Variants in PDZD8 observed in about 807,000 individuals in gnomAD.
PDZD8 encodes PDZ domain-containing protein 8.
In PDZD8, 14 loss-of-function variants were observed where a neutral mutation model predicts 85.8. That is an observed-to-expected ratio of 0.16 (90% CI 0.11 to 0.26). PDZD8 has a LOEUF of 0.26. Ranked by LOEUF, PDZD8 falls within the 10% of genes least tolerant of loss-of-function variation. The pLI is 1.00. For missense variants in PDZD8, 1,197 were observed against 1,424.3 expected, an observed-to-expected ratio of 0.84 and a Z score of 2.57; for synonymous variants, 592 against 568.6, an observed-to-expected ratio of 1.04 and a Z score of -0.59.
chr10:117,284,860 G>A lies in PDZD8; in HGVS notation c.1873C>T (p.Pro625Ser), dbSNP rs2133758165. The A allele has an allele frequency of 1.9e-6, 3 of 1,614,208 alleles. No homozygotes were observed. Among genetic ancestry groups the A allele is most frequent in the Non-Finnish European group, 1.7e-6 (2 of 1,180,030 alleles). ...LVEKPEKVVP[P>S]PLVDKSAEKQ... ...TCAGCAGATTTATCTACAAGAGGAG[G>A]TGGCACCACCTTCTCTGGCTTTTCA... The change falls in exon 5 of 5, where the codon CCT (proline) becomes TCT (serine). Residue 625 changes from proline (P) to serine (S), a missense_variant. By Grantham distance (74) the Pro-to-Ser change is moderately conservative. Around this residue, in one of 4 missense-constraint regions of PDZD8, gnomAD observed 263 missense variants for 261.9 expected, o/e 1.00. Coordinates refer to ENST00000334464, the MANE Select transcript of PDZD8 (RefSeq NM_173791.5).
rs1212902577 is a variant in PDZD8 at position 117,282,615 on chromosome 10, G to A, written c.*653C>T. 1 of 152,000 alleles carries A rather than the reference G, an allele frequency of 6.6e-6. No homozygotes were observed. Among genetic ancestry groups the A allele is most frequent in the Non-Finnish European group, 1.5e-5 (1 of 67,996 alleles). 9.4% of individuals were successfully genotyped at this position (152,000 alleles called of 1,614,324 possible). ...AAAAGCTTTAGAAAAAAATTTCACA[G>A]AAGCATCGAAAGCAAGCAATATATG... On this transcript the variant is annotated 3_prime_UTR_variant, in exon 5 of 5. Coordinates refer to ENST00000334464, the MANE Select transcript of PDZD8 (RefSeq NM_173791.5).
chr10:117,349,431 G>T (rs1844762223), intron 1 of PDZD8, among the ~76,000 whole-genome samples: 1 of 152,210 alleles, frequency 6.6e-6, no homozygotes, highest in African/African-American at 2.4e-5. Flanking sequence ...GTAATAAACA[G>T]TACTTACATA....
At position 117,283,734 on chromosome 10, in the gene PDZD8, T is replaced by C. The variant is rs751488775; in HGVS notation, c.2999A>G (p.Lys1000Arg). Residue 1000 changes from lysine to arginine, a missense_variant, in exon 5 of 5, where the codon AAG becomes AGG. This residue lies in a region of PDZD8 where 418 missense variants were observed against 571.1 expected (regional missense o/e 0.73). Coordinates refer to ENST00000334464, the MANE Select transcript of PDZD8 (RefSeq NM_173791.5). ...CAGACCACCCTCTTTTCTCACTAACTTTATTCCTGTGCTGTTTCCCCGTTT... is the reference window on the plus strand; with the variant it reads ...CAGACCACCCTCTTTTCTCACTAACCTTATTCCTGTGCTGTTTCCCCGTTT... ...PSKRGNSTGI[K>R]LVRKEGGLDD... 5.0e-6 allele frequency: 8 copies of C among 1,614,176 alleles called. No individual in the cohort carries two copies. The South Asian group carries it at 7.7e-5, about 16-fold the overall frequency.
intron 3 of PDZD8, among the ~76,000 whole-genome samples, chr10:117,317,574 G>T (rs1844151034): frequency 6.6e-6 from 1 of 152,066 alleles, no homozygotes; most frequent in Admixed American, 6.5e-5. Flanking sequence ...TCATATCTTT[G>T]CAAATATAAT....
At chr10:117,364,296 C>T (rs966484374) in intron 1 of PDZD8, among the ~76,000 whole-genome samples, 10 of 151,964 alleles carry the variant, frequency 6.6e-5, no homozygotes, top group Admixed American at 5.3e-4. Context: ...GGTTACATGT[C>T]ATCAGCCTGT....
At chr10:117,292,578 G>GT (rs5788222) in intron 3 of PDZD8, among the ~76,000 whole-genome samples, 4,915 of 149,322 alleles carry the variant, frequency 0.033, 89 homozygotes, top group South Asian at 0.041. Context: ...TTTGGAATGT[G>GT]TTTTTTTTTT....
intron 2 of PDZD8, among the ~76,000 whole-genome samples, chr10:117,329,472 A>T (rs1454520878): frequency 6.6e-6 from 1 of 152,134 alleles, no homozygotes; most frequent in Non-Finnish European, 1.5e-5. Flanking sequence ...GAGGTTGAAA[A>T]ATTTTTTTGT....
chr10:117,345,988 C>T (rs1324406748), intron 1 of PDZD8, among the ~76,000 whole-genome samples: 2 of 152,040 alleles, frequency 1.3e-5, no homozygotes, highest in Non-Finnish European at 2.9e-5. Flanking sequence ...AGCCTGTAAT[C>T]CCAGCACTTT....
chr10:117,295,988 GA>G (rs370666973), intron 3 of PDZD8, among the ~76,000 whole-genome samples: 5,747 of 145,178 alleles, frequency 0.04, 126 homozygotes, highest in African/African-American at 0.053. Context: ...TCAGTGTAAT[GA>G]AAAAAAAAAG....
At chr10:117,333,126 A>ACAAC (rs1554854835) in intron 2 of PDZD8, among the ~76,000 whole-genome samples, 5 of 140,696 alleles carry the variant, frequency 3.6e-5, no homozygotes, top group African/African-American at 1.4e-4. Flanking sequence ...TCAAAAAAAA[A>ACAAC]AAAAAAAAAA....
At chr10:117,308,398 A>C (rs1277565610) in intron 3 of PDZD8, among the ~76,000 whole-genome samples, 1 of 152,140 alleles carries the variant, frequency 6.6e-6, no homozygotes, top group Non-Finnish European at 1.5e-5. Flanking sequence ...AAAGGGAGTG[A>C]GTGTAGGGGA....
chr10:117,363,541 C>T (rs1845033066), intron 1 of PDZD8, among the ~76,000 whole-genome samples: 1 of 151,994 alleles, frequency 6.6e-6, no homozygotes, highest in Non-Finnish European at 1.5e-5. Flanking sequence ...GGAGAAACAC[C>T]ATTTCTAAAA....
intron 4 of PDZD8, 69 bp downstream of exon 4, chr10:117,290,117 G>C (rs1844730968): frequency 7.4e-7 from 1 of 1,356,892 alleles, no homozygotes; most frequent in South Asian, 1.8e-5. Context: ...AAGGAAGAAA[G>C]GAAAAACCTC....
intron 1 of PDZD8, among the ~76,000 whole-genome samples, chr10:117,353,818 T>C (rs1844848252): frequency 6.6e-6 from 1 of 152,108 alleles, no homozygotes; most frequent in South Asian, 2.1e-4. Flanking sequence ...AAGTGAAGTA[T>C]TCCAAAATGG....
chr10:117,335,194 C>A (rs904568072), intron 2 of PDZD8, among the ~76,000 whole-genome samples: 6 of 152,136 alleles, frequency 3.9e-5, no homozygotes, highest in African/African-American at 1.4e-4. Flanking sequence ...GACTTCTCAT[C>A]AGAATATGGG....
At chr10:117,340,314 T>C (rs1844589174) in intron 2 of PDZD8, among the ~76,000 whole-genome samples, 1 of 152,182 alleles carries the variant, frequency 6.6e-6, no homozygotes, top group Non-Finnish European at 1.5e-5. Flanking sequence ...TCTGTCCAGT[T>C]TCAGCAAAGA....
At chr10:117,309,629 T>C (rs1273221764) in intron 3 of PDZD8, among the ~76,000 whole-genome samples, 4 of 152,168 alleles carry the variant, frequency 2.6e-5, no homozygotes, top group Admixed American at 1.3e-4. Flanking sequence ...CATTGCCACC[T>C]TTCTAGTTCA....
At chr10:117,291,849 A>G (rs1844772586) in intron 3 of PDZD8, among the ~76,000 whole-genome samples, 1 of 77,544 alleles carries the variant, frequency 1.3e-5, no homozygotes, top group East Asian at 2.6e-4. Context: ...TCATTCAAAC[A>G]ACTGATTTAA....
chr10:117,294,338 A>AAAAAAC (rs1843718119), intron 3 of PDZD8, among the ~76,000 whole-genome samples: 3 of 148,512 alleles, frequency 2.0e-5, no homozygotes, highest in Non-Finnish European at 3.0e-5. Context: ...AAAAAAAAAA[A>AAAAAAC]AAAAAAACAA....
Sources: allele counts gnomAD v4.1 joint callset (sites outside exome capture counted in the v4.1 genomes callset), GRCh38; gene constraint gnomAD v4.1.1; regional missense constraint gnomAD v4.1.1; transcripts MANE v1.5; gene names NCBI Gene and HGNC (gene_info 2026-07-23, HGNC 2026-07-21).